Variants in MDGA2 observed in about 807,000 individuals in gnomAD.
MDGA2 encodes the protein MAM domain-containing glycosylphosphatidylinositol anchor protein 2.
Under a neutral mutation model 117.8 loss-of-function variants are expected in MDGA2, and 40 were observed. The ratio of observed to expected loss-of-function variants is 0.34; its 90% CI spans 0.26 to 0.44. MDGA2 has a LOEUF of 0.44. Ranked by LOEUF, MDGA2 falls within the 20% of genes least tolerant of loss-of-function variation. MDGA2 has a pLI of 1.00. For synonymous variants in MDGA2, 452 were observed against 439.0 expected (o/e 1.03, Z -0.37); for missense variants, 1,123 against 1,250.6 (o/e 0.90, Z 1.54).
chr14:47,348,188 TG>T (rs1348851652), intron 1 of MDGA2, among the ~76,000 whole-genome samples: 4 of 151,432 alleles, frequency 2.6e-5, no homozygotes, highest in African/African-American at 9.7e-5. Context: ...TGTGTGTGTG[TG>T]TGTGTGCTTA....
intron 10 of MDGA2, among the ~76,000 whole-genome samples, chr14:46,887,055 T>C (rs1882704523): frequency 6.6e-6 from 1 of 152,086 alleles, no homozygotes; most frequent in African/African-American, 2.4e-5. Flanking sequence ...ATCCAGAGGC[T>C]ACATTTAGTG....
At chr14:47,667,449 A>G (rs922388074) in intron 1 of MDGA2, among the ~76,000 whole-genome samples, 9 of 152,314 alleles carry the variant, frequency 5.9e-5, no homozygotes, top group East Asian at 5.8e-4. Context: ...AGGCTCTATT[A>G]AGAGCCCTTT....
chr14:47,167,063 C>T (rs1883911091), intron 3 of MDGA2, among the ~76,000 whole-genome samples: 1 of 152,112 alleles, frequency 6.6e-6, no homozygotes, highest in African/African-American at 2.4e-5. Flanking sequence ...TAGACTCTGA[C>T]CAGTCACCAC....
At chr14:47,490,128 A>G (rs1894139534) in intron 1 of MDGA2, among the ~76,000 whole-genome samples, 1 of 152,102 alleles carries the variant, frequency 6.6e-6, no homozygotes, top group Non-Finnish European at 1.5e-5. Flanking sequence ...AATGCCTACA[A>G]TAGTGAGATT....
At chr14:47,380,266 C>T (rs1441294489) in intron 1 of MDGA2, among the ~76,000 whole-genome samples, 2 of 152,066 alleles carry the variant, frequency 1.3e-5, no homozygotes, top group Non-Finnish European at 2.9e-5. Flanking sequence ...CAAGAGAAAG[C>T]AGGAAAGATC....
At chr14:47,316,730 A>G (rs949399302) in intron 1 of MDGA2, among the ~76,000 whole-genome samples, 20 of 152,200 alleles carry the variant, frequency 1.3e-4, no homozygotes, top group African/African-American at 4.8e-4. Context: ...TTGATTCCCT[A>G]TTATAATCTC....
At position 47,496,295 on chromosome 14, in the gene MDGA2, T is replaced by C. The variant is rs562146099; in HGVS notation, c.280+178222A>G. On this transcript the variant is annotated intron_variant, in intron 1 of 16. Transcript: ENST00000399232. The stretch of plus-strand genomic sequence containing the variant: ...TTTCATGCTATTGTCCAGGCTGGAG[T>C]GCAGTGGTGCAATCATGGTTCACTA... Among the ~76,000 whole-genome samples, 5 of 152,228 alleles carry C rather than the reference T, an allele frequency of 3.3e-5. No individual in the cohort carries two copies. In the East Asian group the frequency reaches 7.7e-4, roughly 24 times the overall value.
At position 47,169,498 on chromosome 14, in the gene MDGA2, T is replaced by C. The variant is rs1050905269; in HGVS notation, c.596-25224A>G. Among the ~76,000 whole-genome samples, 136 of 151,922 alleles carry C rather than the reference T, an allele frequency of 9.0e-4. 2 individuals carry two copies. The highest frequency in any genetic ancestry group is 8.9e-3 in the Admixed American group (135 of 15,246). ...ATATATCATGTTGCCTTCATTTATCTATAGATACTAACAAAAAAATTCATA... is the reference window on the plus strand; with the variant it reads ...ATATATCATGTTGCCTTCATTTATCCATAGATACTAACAAAAAAATTCATA... On this transcript the variant is annotated intron_variant, in intron 3 of 16. Coordinates refer to ENST00000399232, the MANE Select transcript of MDGA2 (RefSeq NM_001113498.3).
intron 1 of MDGA2, among the ~76,000 whole-genome samples, chr14:47,655,812 T>G (rs1387397127): frequency 6.6e-6 from 1 of 152,150 alleles, no homozygotes; most frequent in African/African-American, 2.4e-5. Flanking sequence ...TGGCTTGGAC[T>G]GTGGCTTAGG....
intron 4 of MDGA2, among the ~76,000 whole-genome samples, chr14:47,136,170 C>G (rs1566644775): frequency 1.3e-5 from 2 of 151,038 alleles, no homozygotes; most frequent in Admixed American, 1.3e-4. Flanking sequence ...TATCTGACAG[C>G]CATTATTTCA....
At chr14:47,506,480 A>G (rs554677606) in intron 1 of MDGA2, among the ~76,000 whole-genome samples, 25 of 152,196 alleles carry the variant, frequency 1.6e-4, no homozygotes, top group African/African-American at 6.0e-4. Context: ...CGGACTTCGT[A>G]TGTTTCTCTC....
chr14:47,531,860 T>G (rs1895108462), intron 1 of MDGA2, among the ~76,000 whole-genome samples: 1 of 152,212 alleles, frequency 6.6e-6, no homozygotes, highest in Non-Finnish European at 1.5e-5. Context: ...GTTCAGAGAA[T>G]TGTGTGCATT....
chr14:47,050,928 T>C (rs1209509609), intron 7 of MDGA2, among the ~76,000 whole-genome samples: 2 of 151,908 alleles, frequency 1.3e-5, no homozygotes, highest in Non-Finnish European at 2.9e-5. Flanking sequence ...GCTCTGATAA[T>C]CTTGTGCCCC....
chr14:47,490,008 G>GA (rs1189472212), intron 1 of MDGA2, among the ~76,000 whole-genome samples: 1 of 152,046 alleles, frequency 6.6e-6, no homozygotes, highest in Non-Finnish European at 1.5e-5. Context: ...AAAGAATAAA[G>GA]AATGACTATA....
At chr14:47,548,886 GGTATCACTACTTCAGACAGCAACAAT>G (rs1895518395) in intron 1 of MDGA2, among the ~76,000 whole-genome samples, 1 of 151,974 alleles carries the variant, frequency 6.6e-6, no homozygotes, top group Non-Finnish European at 1.5e-5. Flanking sequence ...TGGCCCAAAT[GGTATCACTACTTCAGACAGCAACAAT>G]GTTCACAACT....
chr14:47,016,622 C>T (rs1414656727), intron 8 of MDGA2, among the ~76,000 whole-genome samples: 2 of 152,018 alleles, frequency 1.3e-5, no homozygotes, highest in African/African-American at 4.8e-5. Context: ...ATCATTATTA[C>T]TCTACTAATT....
chr14:47,025,496 G>A (rs1022249024), intron 8 of MDGA2, among the ~76,000 whole-genome samples: 7 of 152,034 alleles, frequency 4.6e-5, no homozygotes, highest in Admixed American at 4.6e-4. Context: ...CCCAAATTAT[G>A]TAGACTTTGT....
intron 8 of MDGA2, among the ~76,000 whole-genome samples, chr14:47,027,380 ATCAT>A (rs1888513258): frequency 6.6e-6 from 1 of 152,016 alleles, no homozygotes; most frequent in Non-Finnish European, 1.5e-5. Context: ...TGTACCTTTA[ATCAT>A]TCTGTTAAAA....
At chr14:47,202,385 A>T (rs1220038465) in intron 3 of MDGA2, among the ~76,000 whole-genome samples, 1 of 152,224 alleles carries the variant, frequency 6.6e-6, no homozygotes, top group African/African-American at 2.4e-5. Context: ...CATTTGCTTA[A>T]CAATACCTAC....
Sources: gnomAD v4.1 joint callset for allele counts (sites outside exome capture counted in the v4.1 genomes callset) on GRCh38, gnomAD v4.1.1 for gene constraint, MANE v1.5 for transcripts, NCBI Gene and HGNC (gene_info 2026-07-23, HGNC 2026-07-21) for gene names.